The following KSR2 variants were observed in gnomAD, a reference collection of about 807,000 sequenced individuals.
KSR2 encodes kinase suppressor of ras 2.
Under a neutral mutation model 107.8 loss-of-function variants are expected in KSR2, and 25 were observed. The observed-to-expected ratio is 0.23, with a 90% confidence interval of 0.17 to 0.32. KSR2 has a LOEUF of 0.32. Ranked by LOEUF, KSR2 falls within the 10% of genes least tolerant of loss-of-function variation. The pLI is 1.00. For synonymous variants in KSR2, 480 were observed against 507.0 expected (o/e 0.95, Z 0.71); for missense variants, 887 against 1,268.9 (o/e 0.70, Z 4.57).
intron 7 of KSR2, among the ~76,000 whole-genome samples, chr12:117,559,682 A>C (rs816186): frequency 0.29 from 44,282 of 152,146 alleles, 7,839 homozygotes; most frequent in Admixed American, 0.41. Flanking sequence ...TAGAATGATA[A>C]TGTCTTCCTT....
At chr12:117,673,716 A>ATGACTG (rs1885009018) in intron 4 of KSR2, among the ~76,000 whole-genome samples, 2 of 152,190 alleles carry the variant, frequency 1.3e-5, no homozygotes, top group Admixed American at 1.3e-4. Context: ...ACTGTTTCTA[A>ATGACTG]TGACTGTGAC....
chr12:117,606,080 G>C (rs1401202134), intron 5 of KSR2, among the ~76,000 whole-genome samples: 3 of 152,144 alleles, frequency 2.0e-5, no homozygotes, highest in African/African-American at 7.2e-5. Context: ...GATAGGAAAT[G>C]CTGTGATTAG....
At chr12:117,967,478 A>G (rs1412754916) in intron 1 of KSR2, among the ~76,000 whole-genome samples, 1 of 152,036 alleles carries the variant, frequency 6.6e-6, no homozygotes, top group Non-Finnish European at 1.5e-5. Flanking sequence ...GGGTAGTTCC[A>G]TAGGAATTTT....
intron 1 of KSR2, among the ~76,000 whole-genome samples, chr12:117,892,577 G>A (rs1894378066): frequency 6.6e-6 from 1 of 151,934 alleles, no homozygotes; most frequent in Admixed American, 6.6e-5. Flanking sequence ...CTACTGCCCA[G>A]AGGCCAAATC....
intron 1 of KSR2, among the ~76,000 whole-genome samples, chr12:117,960,563 G>A (rs924609568): frequency 8.5e-5 from 13 of 152,052 alleles, no homozygotes; most frequent in African/African-American, 1.4e-4. Context: ...GGGCCATCTC[G>A]GACCCTCCAG....
chr12:117,547,258 T>C lies in KSR2; in HGVS notation c.1519-7371A>G, dbSNP rs140336521. ...CCCTGAAGAGGGAAGGAGTTCCTCA[T>C]TATTGCTGGGCAGAGGTTGAAATCC... On this transcript the variant is annotated intron_variant, in intron 9 of 19. Coordinates refer to ENST00000339824, the MANE Select transcript of KSR2 (RefSeq NM_173598.6). Among the ~76,000 whole-genome samples, 735 of 152,310 alleles carry C rather than the reference T, an allele frequency of 4.8e-3. 3 individuals carry two copies. The highest frequency in any genetic ancestry group is 8.0e-3 in the Non-Finnish European group (545 of 68,034).
intron 4 of KSR2, among the ~76,000 whole-genome samples, chr12:117,709,400 C>T (rs562781969): frequency 4.1e-4 from 63 of 152,290 alleles, no homozygotes; most frequent in African/African-American, 1.5e-3. Flanking sequence ...GTGGTGCAAT[C>T]ATAGCTCACT....
chr12:117,494,479 G>A (rs1025379932), intron 14 of KSR2, among the ~76,000 whole-genome samples: 5 of 152,282 alleles, frequency 3.3e-5, no homozygotes, highest in Non-Finnish European at 5.9e-5. Flanking sequence ...AAATGCTGAT[G>A]CTGGGGGTCC....
intron 4 of KSR2, among the ~76,000 whole-genome samples, chr12:117,756,332 G>A (rs1565997469): frequency 6.6e-6 from 1 of 152,184 alleles, no homozygotes; most frequent in Non-Finnish European, 1.5e-5. Flanking sequence ...TACCGCAGCT[G>A]GTGACTTTTA....
chr12:117,724,851 A>G, intron 4 of KSR2, among the ~76,000 whole-genome samples: 1 of 141,250 alleles, frequency 7.1e-6, no homozygotes, highest in East Asian at 2.5e-4. Context: ...GATTCCAGGA[A>G]GACTTCGGGT....
intron 3 of KSR2, among the ~76,000 whole-genome samples, chr12:117,802,715 C>A (rs1279645747): frequency 2.0e-5 from 3 of 152,214 alleles, no homozygotes; most frequent in African/African-American, 7.2e-5. Flanking sequence ...TTTCTTTCCC[C>A]ACCCACCCCC....
chr12:117,646,276 C>T (rs2136421285), intron 5 of KSR2, among the ~76,000 whole-genome samples: 1 of 152,264 alleles, frequency 6.6e-6, no homozygotes, highest in East Asian at 1.9e-4. Flanking sequence ...TCTTGCAAAG[C>T]TGAAAATACT....
chr12:117,870,998 A>T (rs1893633777), intron 1 of KSR2, among the ~76,000 whole-genome samples: 3 of 152,218 alleles, frequency 2.0e-5, no homozygotes, highest in Non-Finnish European at 4.4e-5. Context: ...GGATCCTGGG[A>T]AAGAGCAGCT....
chr12:117,489,187 G>A (rs779401154), intron 14 of KSR2, among the ~76,000 whole-genome samples: 2 of 151,896 alleles, frequency 1.3e-5, no homozygotes, highest in African/African-American at 2.4e-5. Flanking sequence ...GTGCTGGAAG[G>A]AGCATTATTA....
intron 1 of KSR2, among the ~76,000 whole-genome samples, chr12:117,862,077 T>TA (rs1491114895): frequency 5.3e-5 from 8 of 151,174 alleles, no homozygotes; most frequent in African/African-American, 1.9e-4. Context: ...TTTTTTTTTT[T>TA]AAGAGACAAG....
intron 1 of KSR2, among the ~76,000 whole-genome samples, chr12:117,932,279 C>T (rs992518105): frequency 6.6e-6 from 1 of 151,932 alleles, no homozygotes; most frequent in Non-Finnish European, 1.5e-5. Context: ...AAAAGCAAGA[C>T]TCTGTCTCAA....
chr12:117,670,003 T>TG (rs1223000488), intron 4 of KSR2, among the ~76,000 whole-genome samples: 2 of 152,216 alleles, frequency 1.3e-5, no homozygotes, highest in South Asian at 2.1e-4. Context: ...TTCTTTTTTT[T>TG]CTAGGCATCT....
intron 1 of KSR2, among the ~76,000 whole-genome samples, chr12:117,885,552 T>G (rs937855712): frequency 6.6e-6 from 1 of 151,976 alleles, no homozygotes; most frequent in Admixed American, 6.6e-5. Flanking sequence ...TATTTATAGG[T>G]GTGTATAAAC....
At chr12:117,753,947 C>CGT (rs34174404) in intron 4 of KSR2, among the ~76,000 whole-genome samples, 6,271 of 128,856 alleles carry the variant, frequency 0.049, 152 homozygotes, top group East Asian at 0.061. Context: ...AAGTATAGAG[C>CGT]GTGTGTGTGT....
Sources: gnomAD v4.1 joint callset for allele counts (sites outside exome capture counted in the v4.1 genomes callset) on GRCh38, gnomAD v4.1.1 for gene constraint, MANE v1.5 for transcripts, NCBI Gene and HGNC (gene_info 2026-07-23, HGNC 2026-07-21) for gene names.